AUTS2: variants seen among roughly 807,000 people sequenced by gnomAD.
AUTS2 encodes the protein autism susceptibility gene 2 protein.
AUTS2 carries 17 observed loss-of-function variants against 112.4 expected under a neutral mutation model. The ratio of observed to expected loss-of-function variants is 0.15; its 90% CI spans 0.10 to 0.23. The LOEUF is 0.23. AUTS2 is among the 10% of genes least tolerant of loss of function. AUTS2 has a pLI of 1.00. For synonymous variants in AUTS2, 751 were observed against 702.7 expected (o/e 1.07, Z -1.09); for missense variants, 1,510 against 1,701.6 (o/e 0.89, Z 1.98).
chr7:70,426,267 C>T (rs554134849), intron 4 of AUTS2, among the ~76,000 whole-genome samples: 2 of 152,084 alleles, frequency 1.3e-5, no homozygotes, highest in African/African-American at 4.8e-5. Flanking sequence ...GAACATAGAC[C>T]AGCTTGAACC....
chr7:69,983,940 C>T (rs1798399178), intron 2 of AUTS2, among the ~76,000 whole-genome samples: 1 of 152,124 alleles, frequency 6.6e-6, no homozygotes, highest in South Asian at 2.1e-4. Flanking sequence ...TTATAAAATA[C>T]TGTGATTCAT....
chr7:69,731,574 C>T (rs1786795976), intron 1 of AUTS2, among the ~76,000 whole-genome samples: 1 of 152,188 alleles, frequency 6.6e-6, no homozygotes, highest in Non-Finnish European at 1.5e-5. Context: ...TTATGACCTA[C>T]AGAGCCCTTT....
chr7:69,612,814 C>G (rs1244950502), intron 1 of AUTS2, among the ~76,000 whole-genome samples: 1 of 152,154 alleles, frequency 6.6e-6, no homozygotes, highest in Non-Finnish European at 1.5e-5. Context: ...AACCCCTGCA[C>G]TCTTTCTGTA....
At chr7:70,107,357 T>C (rs76674376) in intron 2 of AUTS2, among the ~76,000 whole-genome samples, 2 of 147,178 alleles carry the variant, frequency 1.4e-5, no homozygotes, top group African/African-American at 2.5e-5. Context: ...TTTTTTTTTT[T>C]TCTTTGAGAC....
intron 2 of AUTS2, among the ~76,000 whole-genome samples, chr7:69,960,656 G>A (rs1436946643): frequency 1.3e-5 from 2 of 152,132 alleles, no homozygotes; most frequent in African/African-American, 4.8e-5. Context: ...TTGGAGAGAT[G>A]AACATGCAGA....
At chr7:70,510,880 GCT>G (rs1265885370) in intron 5 of AUTS2, among the ~76,000 whole-genome samples, 2 of 151,724 alleles carry the variant, frequency 1.3e-5, no homozygotes, top group African/African-American at 4.8e-5. Context: ...ACGGAATCTT[GCT>G]CTGTCACCCA....
chr7:70,300,737 C>A (rs1286638660), intron 4 of AUTS2, among the ~76,000 whole-genome samples: 1 of 152,158 alleles, frequency 6.6e-6, no homozygotes, highest in Non-Finnish European at 1.5e-5. Flanking sequence ...TTTACCTATT[C>A]ATTACTGCAT....
intron 1 of AUTS2, among the ~76,000 whole-genome samples, chr7:69,716,166 C>G (rs968181928): frequency 8.6e-5 from 13 of 151,912 alleles, no homozygotes; most frequent in Non-Finnish European, 1.8e-4. Context: ...TTTTGAAGTT[C>G]TAAATGTAAA....
At chr7:69,654,347 G>A (rs1466430216) in intron 1 of AUTS2, among the ~76,000 whole-genome samples, 1 of 152,186 alleles carries the variant, frequency 6.6e-6, no homozygotes, top group Admixed American at 6.5e-5. Context: ...ACATCTCCAA[G>A]GGGAAGGAGA....
intron 1 of AUTS2, among the ~76,000 whole-genome samples, chr7:69,892,471 G>A (rs1042160725): frequency 1.3e-5 from 2 of 152,070 alleles, no homozygotes; most frequent in African/African-American, 4.8e-5. Context: ...AATATATTCT[G>A]TATACAAAAC....
intron 5 of AUTS2, among the ~76,000 whole-genome samples, chr7:70,608,297 G>T (rs1248264239): frequency 6.6e-6 from 1 of 151,924 alleles, no homozygotes; most frequent in Non-Finnish European, 1.5e-5. Context: ...TATAGATGGG[G>T]TCTCACTATG....
At chr7:69,717,541 G>C (rs981682209) in intron 1 of AUTS2, among the ~76,000 whole-genome samples, 1 of 152,196 alleles carries the variant, frequency 6.6e-6, no homozygotes, top group Non-Finnish European at 1.5e-5. Flanking sequence ...GAACAGCACT[G>C]TGTGCTGTGT....
intron 1 of AUTS2, among the ~76,000 whole-genome samples, chr7:69,631,292 A>C (rs554484211): frequency 6.6e-6 from 1 of 152,142 alleles, no homozygotes; most frequent in Non-Finnish European, 1.5e-5. Context: ...AGAAGAGGGC[A>C]GTGTTTCTGT....
intron 2 of AUTS2, among the ~76,000 whole-genome samples, chr7:70,022,982 G>C (rs1659932026): frequency 6.6e-6 from 1 of 151,990 alleles, no homozygotes. Context: ...CTCTAGAATA[G>C]CTGGAACTAC....
At chr7:70,227,370 G>A (rs1304191192) in intron 4 of AUTS2, among the ~76,000 whole-genome samples, 1 of 150,804 alleles carries the variant, frequency 6.6e-6, no homozygotes, top group African/African-American at 2.4e-5. Context: ...AAAATGTAGT[G>A]TATTATATTT....
intron 6 of AUTS2, among the ~76,000 whole-genome samples, chr7:70,761,699 C>CCTTTTGACCTTTGGAGGGAGAT (rs879543936): frequency 6.6e-6 from 1 of 152,058 alleles, no homozygotes; most frequent in African/African-American, 2.4e-5. Flanking sequence ...TAAATGTGGC[C>CCTTTTGACCTTTGGAGGGAGAT]CTTTTGACCT....
intron 5 of AUTS2, among the ~76,000 whole-genome samples, chr7:70,562,756 A>G (rs1034462162): frequency 6.6e-6 from 1 of 152,226 alleles, no homozygotes; most frequent in African/African-American, 2.4e-5. Flanking sequence ...AATAATGAAT[A>G]ACATATTCCT....
intron 4 of AUTS2, among the ~76,000 whole-genome samples, chr7:70,314,420 G>A (rs1789902594): frequency 6.6e-6 from 1 of 152,208 alleles, no homozygotes; most frequent in Non-Finnish European, 1.5e-5. Flanking sequence ...TGACATGTGT[G>A]CACACGTAGA....
intron 2 of AUTS2, among the ~76,000 whole-genome samples, chr7:70,002,636 GACTT>G (rs571655272): frequency 6.6e-6 from 1 of 152,150 alleles, no homozygotes; most frequent in South Asian, 2.1e-4. Context: ...ATAGAGATGA[GACTT>G]ACGATTTTTA....
Sources: allele counts gnomAD v4.1 joint callset (sites outside exome capture counted in the v4.1 genomes callset), GRCh38; gene constraint gnomAD v4.1.1; transcripts MANE v1.5; gene names NCBI Gene and HGNC (gene_info 2026-07-23, HGNC 2026-07-21).